MGAT5: variants seen among roughly 807,000 people sequenced by gnomAD.
MGAT5 encodes the protein alpha-1,6-mannosylglycoprotein 6-beta-N-acetylglucosaminyltransferase, also known as alpha-1,6-mannosylglycoprotein 6-beta-N-acetylglucosaminyltransferase A.
A neutral mutation model predicts 94.3 loss-of-function variants in MGAT5; 30 were observed. The observed-to-expected ratio is 0.32, with a 90% confidence interval of 0.24 to 0.43. The LOEUF (loss-of-function observed/expected upper bound fraction) is 0.43, where lower values mean the gene tolerates loss of function less well. Among genes scored for constraint, MGAT5 ranks in the 20% least tolerant of loss-of-function variants. MGAT5 has a pLI of 1.00. For synonymous variants in MGAT5, 310 were observed against 322.9 expected (o/e 0.96, Z 0.43); for missense variants, 691 against 905.5 (o/e 0.76, Z 3.04).
chr2:134,352,792 A>G (rs1265197303), intron 9 of MGAT5, among the ~76,000 whole-genome samples: 1 of 152,176 alleles, frequency 6.6e-6, no homozygotes, highest in Non-Finnish European at 1.5e-5. Context: ...TAGCCATGAG[A>G]TAGAAGCAAC....
chr2:134,344,059 GT>G (rs1292771445), intron 7 of MGAT5, among the ~76,000 whole-genome samples: 1 of 152,134 alleles, frequency 6.6e-6, no homozygotes, highest in Non-Finnish European at 1.5e-5. Flanking sequence ...TGTGACTCTC[GT>G]CCTTTGAAGC....
intron 1 of MGAT5, among the ~76,000 whole-genome samples, chr2:134,207,634 G>A (rs1469967450): frequency 6.6e-6 from 1 of 152,000 alleles, no homozygotes; most frequent in African/African-American, 2.4e-5. Context: ...GTTTACTTCT[G>A]CTAGGATCAG....
intron 2 of MGAT5, among the ~76,000 whole-genome samples, chr2:134,303,350 T>C (rs1686145115): frequency 6.6e-6 from 1 of 152,206 alleles, no homozygotes; most frequent in Non-Finnish European, 1.5e-5. Flanking sequence ...TTCTTTATTA[T>C]GTATTGGACA....
At chr2:134,409,377 C>T (rs1683519286) in intron 11 of MGAT5, among the ~76,000 whole-genome samples, 1 of 152,216 alleles carries the variant, frequency 6.6e-6, no homozygotes, top group South Asian at 2.1e-4. Flanking sequence ...TGGGCCTTAA[C>T]TAATCCATAG....
chr2:134,435,186 G>C (rs548678683), intron 14 of MGAT5, among the ~76,000 whole-genome samples: 3 of 152,266 alleles, frequency 2.0e-5, no homozygotes, highest in African/African-American at 7.2e-5. Context: ...GGAAAAGCTA[G>C]AGCATTCAAT....
At chr2:134,243,347 A>C (rs1241965475) in intron 1 of MGAT5, among the ~76,000 whole-genome samples, 1 of 152,124 alleles carries the variant, frequency 6.6e-6, no homozygotes, top group Non-Finnish European at 1.5e-5. Flanking sequence ...TGAGGGCAAG[A>C]AACTCTCCTG....
intron 11 of MGAT5, among the ~76,000 whole-genome samples, chr2:134,409,724 ATTCT>A (rs1193175910): frequency 6.6e-6 from 1 of 152,208 alleles, no homozygotes; most frequent in Non-Finnish European, 1.5e-5. Context: ...ATGTTTAAAG[ATTCT>A]TTAAGTACTC....
At chr2:134,329,519 G>T (rs941119007) in intron 4 of MGAT5, among the ~76,000 whole-genome samples, 9 of 152,028 alleles carry the variant, frequency 5.9e-5, no homozygotes, top group African/African-American at 1.9e-4. Flanking sequence ...TTGAAGACTG[G>T]ACTGTGTTTT....
At chr2:134,365,104 A>G (rs550231485) in intron 10 of MGAT5, among the ~76,000 whole-genome samples, 1 of 152,276 alleles carries the variant, frequency 6.6e-6, no homozygotes, top group South Asian at 2.1e-4. Context: ...TGGGAGGTTT[A>G]GGATTGCAAC....
chr2:134,452,865 T>A lies in MGAT5; in HGVS notation c.*4018T>A, dbSNP rs1275308687. 4.6e-5 allele frequency: 7 copies of A among 152,228 alleles called. No individual in the cohort carries two copies. The highest frequency in any genetic ancestry group is 1.7e-4 in the African/African-American group (7 of 41,464). The allele number at this position is 152,228 out of a possible 1,614,324, so 9.4% of individuals were successfully genotyped here. A position where few individuals can be genotyped will look rare whatever the true frequency, so the allele number is the denominator to read the frequency against. ...GAGTAGACGGATGGACATAAATAGATTCATGCTCATTTAGGAAGCTGGGAG... is the reference window on the plus strand; with the variant it reads ...GAGTAGACGGATGGACATAAATAGAATCATGCTCATTTAGGAAGCTGGGAG... On this transcript the variant is annotated 3_prime_UTR_variant, in exon 16 of 16. Coordinates refer to ENST00000281923, the MANE Select transcript of MGAT5 (RefSeq NM_002410.5).
chr2:134,356,109 C>T (rs147565858), intron 9 of MGAT5, among the ~76,000 whole-genome samples: 2 of 152,176 alleles, frequency 1.3e-5, no homozygotes, highest in Admixed American at 6.5e-5. Context: ...CTATCATTCA[C>T]AATGTGAAGA....
intron 1 of MGAT5, among the ~76,000 whole-genome samples, chr2:134,140,796 T>C (rs1686621333): frequency 6.6e-6 from 1 of 152,212 alleles, no homozygotes. Flanking sequence ...TGGGCACTAC[T>C]GTTCTGATTA....
intron 11 of MGAT5, among the ~76,000 whole-genome samples, chr2:134,410,755 C>A (rs1683602411): frequency 6.6e-6 from 1 of 152,154 alleles, no homozygotes; most frequent in Admixed American, 6.5e-5. Flanking sequence ...CAAAGCTGTT[C>A]TTTGAAATTT....
intron 1 of MGAT5, among the ~76,000 whole-genome samples, chr2:134,164,157 C>A (rs923668437): frequency 1.3e-5 from 2 of 152,176 alleles, no homozygotes; most frequent in Admixed American, 1.3e-4. Flanking sequence ...TTGGAGCTAC[C>A]CCCAGAATTT....
Position 134,450,668 on chromosome 2 carries a change from TG to T in MGAT5, c.*1825del, listed in dbSNP as rs1686050080. 1 of 152,068 alleles carries T rather than the reference TG, an allele frequency of 6.6e-6. No homozygotes were observed. 9.4% of individuals were successfully genotyped at this position (152,068 alleles called of 1,614,324 possible). On this transcript the variant is annotated 3_prime_UTR_variant, in exon 16 of 16. Coordinates refer to ENST00000281923, the MANE Select transcript of MGAT5 (RefSeq NM_002410.5). ...AGCACATCTGCCAGGTAGAGTACCA[TG>T]GGGAGGCCTCTGCCCTGAGCATCAT...
intron 1 of MGAT5, among the ~76,000 whole-genome samples, chr2:134,236,763 T>G (rs892426440): frequency 1.3e-5 from 2 of 152,190 alleles, no homozygotes; most frequent in Non-Finnish European, 2.9e-5. Flanking sequence ...GGCTGCTCTG[T>G]GGGAGTGGTG....
chr2:134,379,669 G>T (rs1204910480), intron 10 of MGAT5, among the ~76,000 whole-genome samples: 1 of 152,200 alleles, frequency 6.6e-6, no homozygotes, highest in Non-Finnish European at 1.5e-5. Flanking sequence ...GCACCCAGTG[G>T]TCTTACATTT....
At chr2:134,419,411 T>A (rs1478415736) in intron 12 of MGAT5, among the ~76,000 whole-genome samples, 3 of 151,332 alleles carry the variant, frequency 2.0e-5, no homozygotes, top group South Asian at 4.2e-4. Context: ...TGACATTTTT[T>A]AAGCCATTAG....
At chr2:134,173,306 G>A (rs1688309991) in intron 1 of MGAT5, among the ~76,000 whole-genome samples, 1 of 152,320 alleles carries the variant, frequency 6.6e-6, no homozygotes, top group Admixed American at 6.5e-5. Context: ...AACTGGTTTA[G>A]TGCTGCCAGG....
Sources: allele counts gnomAD v4.1 joint callset (sites outside exome capture counted in the v4.1 genomes callset), GRCh38; gene constraint gnomAD v4.1.1; transcripts MANE v1.5; gene names NCBI Gene and HGNC (gene_info 2026-07-23, HGNC 2026-07-21).